TFIP11: variants seen among roughly 807,000 people sequenced by gnomAD.
TFIP11 encodes the protein tuftelin interacting protein 11, also known as tuftelin-interacting protein 11.
TFIP11 carries 86 observed loss-of-function variants against 96.8 expected under a neutral mutation model. That is an observed-to-expected ratio of 0.89 (90% CI 0.75 to 1.06). The LOEUF is 1.06. Among genes scored for constraint, TFIP11 ranks in the 50% least tolerant of loss-of-function variants. TFIP11 has a pLI of 0.00. For synonymous variants in TFIP11, 405 were observed against 395.2 expected (o/e 1.02, Z -0.29); for missense variants, 881 against 1,076.7 (o/e 0.82, Z 2.54).
chr22:26,493,993 A>C (rs1921581459), intron 14 of TFIP11, 146 bp downstream of exon 14: 2 of 833,914 alleles, frequency 2.4e-6, no homozygotes, highest in South Asian at 3.6e-5. Context: ...CCCAGTCAGC[A>C]GGGTGAGAGT....
At chr22:26,500,713 C>G (rs1772803249) in intron 8 of TFIP11, among the ~76,000 whole-genome samples, 1 of 151,498 alleles carries the variant, frequency 6.6e-6, no homozygotes, top group East Asian at 1.9e-4. Flanking sequence ...TCCTGGGAGG[C>G]ACCTAGACAC....
intron 11 of TFIP11, 28 bp from the exon 12 acceptor site, chr22:26,496,344 A>C: frequency 6.4e-7 from 1 of 1,568,430 alleles, no homozygotes. Context: ...GAAACAGTTC[A>C]TGTCGCCTGT....
rs763900688 is a variant in TFIP11, at chr22:26,499,276, C to T, written c.1157G>A (p.Arg386Gln). ...GGGGTTGCTGCAGTCGGGCTGCATCCGCCGCTCGCACTCCTCCACCATCTC... is the reference window on the plus strand; with the variant it reads ...GGGGTTGCTGCAGTCGGGCTGCATCTGCCGCTCGCACTCCTCCACCATCTC... ...VLEMVEECER[R>Q]MQPDCSNPLT... The change falls in exon 9 of 15, where the codon CGG (arginine) becomes CAG (glutamine). Residue 386 changes from arginine to glutamine, a missense_variant. By Grantham distance (43) the Arg-to-Gln change is conservative (BLOSUM62 1). Transcript: ENST00000407690. 1.7e-5 allele frequency: 28 copies of T among 1,613,582 alleles called. No homozygotes were observed. The highest frequency in any genetic ancestry group is 6.7e-5 in the East Asian group (3 of 44,888).
At chr22:26,507,620 A>T (rs1489319370) in intron 4 of TFIP11, among the ~76,000 whole-genome samples, 4 of 129,862 alleles carry the variant, frequency 3.1e-5, no homozygotes, top group Non-Finnish European at 4.8e-5. Context: ...AAAGAGTGAG[A>T]CCTTATCTCC....
At position 26,492,385 on chromosome 22, in the gene TFIP11, C is replaced by T; in HGVS notation, c.2159-17G>A. ...TGTAGGCACCTAAGATACAGGAGGACAGGGCGGTGAGGAGAGGTGTTTCCA... is the reference window on the plus strand; with the variant it reads ...TGTAGGCACCTAAGATACAGGAGGATAGGGCGGTGAGGAGAGGTGTTTCCA... On this transcript the variant is annotated splice_polypyrimidine_tract_variant and intron_variant, in intron 14 of 14. Coordinates refer to ENST00000407690, the MANE Select transcript of TFIP11 (RefSeq NM_012143.4). 1 of 1,611,752 alleles carries T rather than the reference C, an allele frequency of 6.2e-7. No individual in the cohort carries two copies. The highest frequency in any genetic ancestry group is 2.2e-5 in the East Asian group (1 of 44,852).
At chr22:26,494,993 G>A in intron 12 of TFIP11, 54 bp from the exon 13 acceptor site, 4 of 1,605,792 alleles carry the variant, frequency 2.5e-6, no homozygotes, top group Non-Finnish European at 2.6e-6. Flanking sequence ...CAAAGCCAAA[G>A]AAGCACAAAG....
At chr22:26,496,969 G>A in intron 10 of TFIP11, 80 bp from the exon 11 acceptor site, 6 of 1,513,182 alleles carry the variant, frequency 4.0e-6, no homozygotes, top group Non-Finnish European at 5.4e-6. Context: ...TGCCTCTCTA[G>A]AATCAGGAAT....
intron 5 of TFIP11, 146 bp downstream of exon 5, chr22:26,506,629 C>A: frequency 7.7e-7 from 1 of 1,299,786 alleles, no homozygotes; most frequent in Non-Finnish European, 1.1e-6. Flanking sequence ...CTGCACTACA[C>A]ACTTCACAAC....
At chr22:26,493,707 A>C (rs1921528874) in intron 14 of TFIP11, 1 of 181,634 alleles carries the variant, frequency 5.5e-6, no homozygotes, top group Non-Finnish European at 1.2e-5. Flanking sequence ...TATAAAGTAG[A>C]TCTTACTGTT....
At chr22:26,507,004 A>G in intron 4 of TFIP11, 76 bp from the exon 5 acceptor site, 1 of 1,541,246 alleles carries the variant, frequency 6.5e-7, no homozygotes, top group Non-Finnish European at 8.8e-7. Context: ...TGCAGAAACT[A>G]CGTGCTTGAA....
chr22:26,504,327 A>G (rs1602219890), intron 6 of TFIP11, among the ~76,000 whole-genome samples: 1 of 152,234 alleles, frequency 6.6e-6, no homozygotes, highest in East Asian at 1.9e-4. Flanking sequence ...TACGAATAGG[A>G]CCACAACATT....
At chr22:26,494,992 A>T in intron 12 of TFIP11, 53 bp from the exon 13 acceptor site, 1 of 1,605,828 alleles carries the variant, frequency 6.2e-7, no homozygotes, top group South Asian at 1.1e-5. Flanking sequence ...GCAAAGCCAA[A>T]GAAGCACAAA....
At chr22:26,508,027 G>A (rs1376657632) in intron 4 of TFIP11, among the ~76,000 whole-genome samples, 8 of 152,284 alleles carry the variant, frequency 5.3e-5, no homozygotes, top group African/African-American at 1.7e-4. Context: ...AGAAACGCTT[G>A]AACCCAGGAG....
At chr22:26,495,336 T>C (rs1602197776) in intron 12 of TFIP11, among the ~76,000 whole-genome samples, 1 of 125,622 alleles carries the variant, frequency 8.0e-6, no homozygotes, top group Non-Finnish European at 1.6e-5. Context: ...TGAAGTGCAA[T>C]GGCAGATCTT....
chr22:26,508,249 C>G (rs1488494397), intron 4 of TFIP11, among the ~76,000 whole-genome samples: 1 of 152,138 alleles, frequency 6.6e-6, no homozygotes, highest in Non-Finnish European at 1.5e-5. Context: ...TGATTTAGAT[C>G]CCAAACTCTA....
In TFIP11 at chr22:26,492,003, C is replaced by G; in HGVS notation, c.*10G>C. The G allele has an allele frequency of 6.3e-7, 1 of 1,580,092 alleles. No homozygotes were observed. Among genetic ancestry groups the G allele is most frequent in the Non-Finnish European group, 8.6e-7 (1 of 1,162,748 alleles). ...GGCAAGTCTCTGACTGGTTCTGGAC[C>G]TGCCACAGTTCACTTGGCCATGTCG... On this transcript the variant is annotated 3_prime_UTR_variant, in exon 15 of 15. Transcript: ENST00000407690.
At chr22:26,504,749 T>C (rs988608691) in intron 6 of TFIP11, among the ~76,000 whole-genome samples, 2 of 152,190 alleles carry the variant, frequency 1.3e-5, no homozygotes, top group African/African-American at 4.8e-5. Context: ...ATGTACCTAA[T>C]GTTTTCAACA....
intron 14 of TFIP11, 144 bp downstream of exon 14, chr22:26,493,995 G>T (rs1921581883): frequency 3.5e-6 from 3 of 857,932 alleles, no homozygotes; most frequent in South Asian, 3.6e-5. Context: ...CAGTCAGCAG[G>T]GTGAGAGTCT....
chr22:26,505,244 A>G (rs1324197091), intron 6 of TFIP11, among the ~76,000 whole-genome samples: 1 of 152,154 alleles, frequency 6.6e-6, no homozygotes, highest in African/African-American at 2.4e-5. Context: ...TTTGGTCTCA[A>G]GAAGGTAAGA....
Sources: allele counts gnomAD v4.1 joint callset (sites outside exome capture counted in the v4.1 genomes callset), GRCh38; gene constraint gnomAD v4.1.1; transcripts MANE v1.5; gene names NCBI Gene and HGNC (gene_info 2026-07-23, HGNC 2026-07-21).